PDGFD: variants seen among roughly 807,000 people sequenced by gnomAD.
PDGFD encodes platelet-derived growth factor D.
PDGFD carries 30 observed loss-of-function variants against 44.7 expected under a neutral mutation model. The observed-to-expected ratio is 0.67, with a 90% confidence interval of 0.50 to 0.91. PDGFD has a LOEUF of 0.91. PDGFD is among the 40% of genes least tolerant of loss of function. PDGFD has a pLI of 0.00. For synonymous variants in PDGFD, 173 were observed against 168.4 expected (o/e 1.03, Z -0.21); for missense variants, 445 against 457.8 (o/e 0.97, Z 0.25).
At chr11:104,101,284 C>T (rs1483165030) in intron 1 of PDGFD, among the ~76,000 whole-genome samples, 4 of 152,070 alleles carry the variant, frequency 2.6e-5, no homozygotes, top group Admixed American at 1.3e-4. Context: ...GTGCAAAAAT[C>T]ACAAGCATTT....
At chr11:104,022,412 T>C (rs555222176) in intron 1 of PDGFD, among the ~76,000 whole-genome samples, 1 of 152,242 alleles carries the variant, frequency 6.6e-6, no homozygotes, top group South Asian at 2.1e-4. Context: ...ACTGGACAAA[T>C]AGGACTTCTT....
At chr11:104,034,570 A>G (rs938425490) in intron 1 of PDGFD, among the ~76,000 whole-genome samples, 4 of 152,036 alleles carry the variant, frequency 2.6e-5, no homozygotes, top group African/African-American at 4.8e-5. Context: ...GAGGATATCG[A>G]CTATCTTGGT....
chr11:103,929,980 C>A (rs1187028444), intron 5 of PDGFD, among the ~76,000 whole-genome samples: 2 of 152,112 alleles, frequency 1.3e-5, no homozygotes, highest in African/African-American at 4.8e-5. Flanking sequence ...GCTGAACATT[C>A]AGAGCATCAA....
chr11:104,123,877 A>G (rs1861809720), intron 1 of PDGFD, among the ~76,000 whole-genome samples: 1 of 152,064 alleles, frequency 6.6e-6, no homozygotes, highest in Admixed American at 6.6e-5. Context: ...ATAATAAAAA[A>G]CTTGCTTCTA....
intron 5 of PDGFD, among the ~76,000 whole-genome samples, chr11:103,940,789 C>T (rs1283743098): frequency 1.3e-5 from 2 of 152,098 alleles, no homozygotes; most frequent in Non-Finnish European, 2.9e-5. Context: ...ACAAAAATGC[C>T]TTAGGGCCAT....
intron 1 of PDGFD, among the ~76,000 whole-genome samples, chr11:104,066,752 T>C (rs1213860908): frequency 2.6e-5 from 4 of 152,298 alleles, no homozygotes; most frequent in South Asian, 2.1e-4. Context: ...CTTGGCCCTA[T>C]TGGCATCACT....
intron 1 of PDGFD, among the ~76,000 whole-genome samples, chr11:104,043,318 G>C (rs1420209567): frequency 6.6e-6 from 1 of 152,140 alleles, no homozygotes; most frequent in Non-Finnish European, 1.5e-5. Flanking sequence ...TGCTAAACTG[G>C]TGTTGAGAGC....
chr11:104,123,274 G>A lies in PDGFD; in HGVS notation c.124+40530C>T, dbSNP rs138611426. On this transcript the variant is annotated intron_variant, in intron 1 of 6. Coordinates refer to ENST00000393158, the MANE Select transcript of PDGFD (RefSeq NM_025208.5). ...TGCTTAGGTCTTTATTATTAGCCAG[G>A]AAGCTGCTTTTAAACAATAATGTCA... 2.4e-4 allele frequency among the ~76,000 whole-genome samples: 37 copies of A among 152,116 alleles called. No homozygotes were observed. In the East Asian group the frequency reaches 6.4e-3, roughly 26 times the overall value.
chr11:104,148,094 G>A (rs1044726611), intron 1 of PDGFD, among the ~76,000 whole-genome samples: 1 of 152,160 alleles, frequency 6.6e-6, no homozygotes, highest in East Asian at 1.9e-4. Flanking sequence ...AAACTGAGTA[G>A]CATGGTTTAC....
chr11:104,069,466 T>C (rs1030334530), intron 1 of PDGFD, among the ~76,000 whole-genome samples: 1 of 152,248 alleles, frequency 6.6e-6, no homozygotes, highest in African/African-American at 2.4e-5. Context: ...TGTTAAAAGA[T>C]ATTGTGAGAC....
chr11:103,935,366 CA>C (rs1431046266), intron 5 of PDGFD, among the ~76,000 whole-genome samples: 1 of 152,036 alleles, frequency 6.6e-6, no homozygotes, highest in Non-Finnish European at 1.5e-5. Flanking sequence ...ATATGATAAA[CA>C]ACAATATGGT....
chr11:104,045,164 T>G (rs1338417911), intron 1 of PDGFD, among the ~76,000 whole-genome samples: 1 of 152,168 alleles, frequency 6.6e-6, no homozygotes, highest in Non-Finnish European at 1.5e-5. Flanking sequence ...TTTGTGCTCA[T>G]GAGCATGTTG....
Position 104,164,049 on chromosome 11 carries a change from T to C in PDGFD, c.-122A>G. The C allele has an allele frequency of 8.8e-7, 1 of 1,141,594 alleles. No individual in the cohort carries two copies. Among genetic ancestry groups the C allele is most frequent in the Non-Finnish European group, 1.2e-6 (1 of 849,042 alleles). The allele number at this position is 1,141,594 out of a possible 1,614,324, so 70.7% of individuals were successfully genotyped here. ...CTCGCCCTGCGCTGGCCCGGGTCGC[T>C]GTGCTAATCGCCGAGCTCTCCCCAA... On this transcript the variant is annotated 5_prime_UTR_variant, in exon 1 of 7. Coordinates refer to ENST00000393158, the MANE Select transcript of PDGFD (RefSeq NM_025208.5).
chr11:104,048,220 C>T (rs1009034969), intron 1 of PDGFD, among the ~76,000 whole-genome samples: 1 of 152,060 alleles, frequency 6.6e-6, no homozygotes, highest in Non-Finnish European at 1.5e-5. Context: ...TTGAGGGTGA[C>T]ATACTGACCC....
At chr11:104,086,974 A>G (rs361280) in intron 1 of PDGFD, among the ~76,000 whole-genome samples, 149,827 of 150,392 alleles carry the variant, frequency 1, 74,636 homozygotes, top group Middle Eastern at 1. Flanking sequence ...CCATAACTCA[A>G]TTGATTGAAA....
chr11:103,959,629 G>C (rs1858907255), intron 3 of PDGFD, among the ~76,000 whole-genome samples: 1 of 152,194 alleles, frequency 6.6e-6, no homozygotes, highest in African/African-American at 2.4e-5. Flanking sequence ...TGTTGGAACT[G>C]AGTGCCAAGC....
chr11:103,913,320 T>C lies in PDGFD; in HGVS notation c.988-3501A>G, dbSNP rs114182004. On this transcript the variant is annotated intron_variant, in intron 6 of 6. Coordinates refer to ENST00000393158, the MANE Select transcript of PDGFD (RefSeq NM_025208.5). Reference sequence around the variant, plus strand: ...AACAGTCTCTCAGACTACAGTGCAATCTATTTAGAACTCAGAATTAAGAAA... The same window carrying C: ...AACAGTCTCTCAGACTACAGTGCAACCTATTTAGAACTCAGAATTAAGAAA... Among the ~76,000 whole-genome samples, 1,206 of 152,270 alleles carry C rather than the reference T, an allele frequency of 7.9e-3. 15 individuals carry two copies. Among genetic ancestry groups the C allele is most frequent in the African/African-American group, 0.026 (1,093 of 41,540 alleles).
chr11:104,072,330 C>T (rs1860891699), intron 1 of PDGFD, among the ~76,000 whole-genome samples: 1 of 151,408 alleles, frequency 6.6e-6, no homozygotes, highest in South Asian at 2.1e-4. Flanking sequence ...AAATTTTTTC[C>T]TGTAGATTTT....
At chr11:104,054,660 T>C (rs1860594618) in intron 1 of PDGFD, among the ~76,000 whole-genome samples, 1 of 152,176 alleles carries the variant, frequency 6.6e-6, no homozygotes, top group Non-Finnish European at 1.5e-5. Context: ...GAGAAAGTAA[T>C]GACAGCAAAC....
Sources: gnomAD v4.1 joint callset for allele counts (sites outside exome capture counted in the v4.1 genomes callset) on GRCh38, gnomAD v4.1.1 for gene constraint, MANE v1.5 for transcripts, NCBI Gene and HGNC (gene_info 2026-07-23, HGNC 2026-07-21) for gene names.